Variants in DSCAML1 observed in about 807,000 individuals in gnomAD.
DSCAML1 encodes the protein cell adhesion molecule DSCAML1.
Under a neutral mutation model 200.5 loss-of-function variants are expected in DSCAML1, and 38 were observed. The observed-to-expected ratio is 0.19, with a 90% CI of 0.15 to 0.25. DSCAML1 has a LOEUF of 0.25. Among genes scored for constraint, DSCAML1 ranks in the 10% least tolerant of loss-of-function variants. The pLI is 1.00. For missense variants in DSCAML1, 2,223 were observed against 2,858.8 expected, an observed-to-expected ratio of 0.78 and a Z score of 5.07; for synonymous variants, 1,215 against 1,165.0, an observed-to-expected ratio of 1.04 and a Z score of -0.87.
At chr11:117,609,002 G>GCAAACAAACAAA (rs71037489) in intron 3 of DSCAML1, among the ~76,000 whole-genome samples, 5 of 146,684 alleles carry the variant, frequency 3.4e-5, no homozygotes, top group African/African-American at 5.2e-5. Flanking sequence ...CCCCATTTCT[G>GCAAACAAACAAA]CAAACAAACA....
At chr11:117,770,516 G>T (rs1306181865) in intron 3 of DSCAML1, among the ~76,000 whole-genome samples, 2 of 152,124 alleles carry the variant, frequency 1.3e-5, no homozygotes, top group African/African-American at 2.4e-5. Flanking sequence ...CATTAGGCAG[G>T]TCTCCCAGTG....
At chr11:117,699,208 T>C (rs17121096) in intron 3 of DSCAML1, among the ~76,000 whole-genome samples, 25,652 of 151,998 alleles carry the variant, frequency 0.17, 3,451 homozygotes, top group African/African-American at 0.37. Context: ...CCAACAGGGT[T>C]TGAGCAGACA....
chr11:117,480,643 G>A lies in DSCAML1; in HGVS notation c.2657-72C>T, dbSNP rs1039099736. 1.7e-5 allele frequency: 26 copies of A among 1,526,924 alleles called. No individual in the cohort carries two copies. The highest frequency in any genetic ancestry group is 2.0e-5 in the Non-Finnish European group (23 of 1,132,022). 94.6% of individuals were successfully genotyped at this position (1,526,924 alleles called of 1,614,324 possible). A position where few individuals can be genotyped will look rare whatever the true frequency, so the allele number is the denominator to read the frequency against. On this transcript the variant is annotated intron_variant, in intron 13 of 32. Coordinates refer to ENST00000651296, the MANE Select transcript of DSCAML1 (RefSeq NM_020693.4). This position sits in a 1 kb window ranked among gnomAD's most constrained non-coding sequence, Gnocchi z 4.1. ...AGCTTGGCCTCCTGCTTGGCCCTGA[G>A]GATTGGCATCACCTGGGTCTAGCCA... is the stretch of plus-strand genomic sequence containing the variant.
intron 3 of DSCAML1, among the ~76,000 whole-genome samples, chr11:117,568,514 A>G (rs2050793649): frequency 6.6e-6 from 1 of 152,198 alleles, no homozygotes; most frequent in South Asian, 2.1e-4. Flanking sequence ...CTGATAAGCA[A>G]CTTCAGCAAA....
rs548746754 is a variant in DSCAML1 at position 117,469,606 on chromosome 11, C to T, written c.3024+304G>A. The stretch of plus-strand genomic sequence containing the variant: ...CTTATTACAACATGTGGGGTTTGGA[C>T]GACGGGCCAGCACCACCGAGGAACC... On this transcript the variant is annotated intron_variant, in intron 16 of 32. Transcript: ENST00000651296. This position sits in a 1 kb window ranked among gnomAD's most constrained non-coding sequence, Gnocchi z 4.1. Among the ~76,000 whole-genome samples the T allele has an allele frequency of 2.0e-5, 3 of 152,092 alleles. No individual in the cohort carries two copies. Among genetic ancestry groups the T allele is most frequent in the East Asian group, 1.9e-4 (1 of 5,172 alleles).
Position 117,594,525 on chromosome 11 carries a change from T to TC in DSCAML1, c.512-62004dup, listed in dbSNP as rs879427759. The stretch of plus-strand genomic sequence containing the variant: ...TCCTAAAACTCCAGGAACAGTCAGG[T>TC]CTGCCCTCTGGGTGTCAGCTTCTGT... On this transcript the variant is annotated intron_variant, in intron 3 of 32. Coordinates refer to ENST00000651296, the MANE Select transcript of DSCAML1 (RefSeq NM_020693.4). 2.0e-5 allele frequency among the ~76,000 whole-genome samples: 3 copies of TC among 152,238 alleles called. 1 individual carries two copies. The highest frequency in any genetic ancestry group is 1.3e-4 in the Admixed American group (2 of 15,284).
chr11:117,779,694 A>G (rs904597997), intron 2 of DSCAML1, among the ~76,000 whole-genome samples: 1 of 152,208 alleles, frequency 6.6e-6, no homozygotes. Flanking sequence ...GTTGGACACC[A>G]TTTGTATAAA....
At position 117,471,869 on chromosome 11, in the gene DSCAML1, C is replaced by T; in HGVS notation, c.2953G>A (p.Ala985Thr). 2.0e-6 allele frequency: 3 copies of T among 1,538,078 alleles called. No homozygotes were observed. Among genetic ancestry groups the T allele is most frequent in the Non-Finnish European group, 2.6e-6 (3 of 1,139,328 alleles). ...KELTISTEEA[A>T]PDGPPMDVTL... ...AGGGCAGGCTGGGTGAGGTGCTCAC[C>T]GGCCTCCTCAGTGCTGATGGTGAGC... The change falls in exon 15 of 33, where the codon GCT becomes ACT. Residue 985 changes from alanine to threonine, a missense_variant and splice_region_variant. By Grantham distance (58) the Ala-to-Thr change is moderately conservative (BLOSUM62 0). Transcript: ENST00000651296.
chr11:117,680,242 T>G (rs979851893), intron 3 of DSCAML1, among the ~76,000 whole-genome samples: 2 of 152,192 alleles, frequency 1.3e-5, no homozygotes, highest in African/African-American at 4.8e-5. Context: ...AAAACCCAAG[T>G]GACTTGTCCC....
chr11:117,673,957 T>C (rs1345339992), intron 3 of DSCAML1, among the ~76,000 whole-genome samples: 1 of 152,124 alleles, frequency 6.6e-6, no homozygotes, highest in Admixed American at 6.5e-5. Flanking sequence ...TGCTAAGAAA[T>C]GGATTCAATT....
intron 3 of DSCAML1, among the ~76,000 whole-genome samples, chr11:117,659,963 A>G (rs2052810458): frequency 6.6e-6 from 1 of 152,072 alleles, no homozygotes; most frequent in Admixed American, 6.5e-5. Context: ...ACCTCAAGTG[A>G]TTGGCCCGCC....
intron 3 of DSCAML1, among the ~76,000 whole-genome samples, chr11:117,719,848 C>T (rs116734500): frequency 2.6e-5 from 4 of 152,192 alleles, no homozygotes; most frequent in African/African-American, 7.2e-5. Flanking sequence ...TCTGCCAAAT[C>T]ATTCCTTCAT....
Position 117,437,973 on chromosome 11 carries a change from T to C in DSCAML1, c.4354A>G (p.Lys1452Glu), listed in dbSNP as rs1482892897. The C allele has an allele frequency of 1.2e-6, 2 of 1,613,968 alleles. No individual in the cohort carries two copies. Among genetic ancestry groups the C allele is most frequent in the Non-Finnish European group, 1.7e-6 (2 of 1,180,024 alleles). Residue 1452 changes from lysine to glutamate, a missense_variant, in exon 25 of 33, where the codon AAG becomes GAG. Lys to Glu is a moderately conservative substitution (Grantham distance 56). Transcript: ENST00000651296. This position sits in a 1 kb window ranked among gnomAD's most constrained non-coding sequence, Gnocchi z 5.3. ...CTGTTCTTGGCTGCCAGCTTCACCT[T>C]GTACCACGTGCCACACTTGAGGCTG... The part of the protein sequence containing the change: ...LDSLKCGTWY[K>E]VKLAAKNSVG...
intron 3 of DSCAML1, among the ~76,000 whole-genome samples, chr11:117,578,822 C>G (rs2050994849): frequency 6.6e-6 from 1 of 152,162 alleles, no homozygotes; most frequent in Non-Finnish European, 1.5e-5. Context: ...GATCTTTCCC[C>G]AGAACTGCCT....
chr11:117,670,586 G>A (rs1256599654), intron 3 of DSCAML1, among the ~76,000 whole-genome samples: 5 of 152,138 alleles, frequency 3.3e-5, no homozygotes, highest in African/African-American at 1.2e-4. Flanking sequence ...CAGCTGCTGC[G>A]TGAAGGCTGA....
chr11:117,711,769 T>C (rs563156025), intron 3 of DSCAML1, among the ~76,000 whole-genome samples: 4 of 152,318 alleles, frequency 2.6e-5, no homozygotes, highest in South Asian at 2.1e-4. Context: ...AAGCCACTTC[T>C]CCTTACAACT....
intron 3 of DSCAML1, among the ~76,000 whole-genome samples, chr11:117,618,823 G>C (rs558213338): frequency 3.3e-4 from 50 of 152,214 alleles, no homozygotes; most frequent in African/African-American, 1.2e-3. Context: ...TGTGTTAAGC[G>C]GCCCAAGACC....
chr11:117,695,309 C>CTTTTTTT (rs1220241169), intron 3 of DSCAML1, among the ~76,000 whole-genome samples: 1 of 122,638 alleles, frequency 8.2e-6, no homozygotes, highest in African/African-American at 3.2e-5. Context: ...TTCTTTCTTT[C>CTTTTTTT]TTTTTCTTTT....
At chr11:117,443,794 A>G in intron 21 of DSCAML1, 92 bp downstream of exon 21, 1 of 1,481,120 alleles carries the variant, frequency 6.8e-7, no homozygotes, top group Non-Finnish European at 9.0e-7. Context: ...GATAAAGCGG[A>G]GCAGGCAGAG....
Sources: allele counts gnomAD v4.1 joint callset (sites outside exome capture counted in the v4.1 genomes callset), GRCh38; gene constraint gnomAD v4.1.1; non-coding constraint Gnocchi (gnomAD v3.1); transcripts MANE v1.5; gene names NCBI Gene and HGNC (gene_info 2026-07-23, HGNC 2026-07-21).